The following BCL2 variants were observed in gnomAD, a reference collection of about 807,000 sequenced individuals.
BCL2 encodes the protein apoptosis regulator Bcl-2.
Under a neutral mutation model 14.2 loss-of-function variants are expected in BCL2, and 1 was observed. The ratio of observed to expected loss-of-function variants is 0.07; its 90% confidence interval spans 0.02 to 0.33. The LOEUF (loss-of-function observed/expected upper bound fraction) is 0.33, where lower values mean the gene tolerates loss of function less well. Among genes scored for constraint, BCL2 ranks in the 10% least tolerant of loss-of-function variants. The pLI is 0.99. For missense variants in BCL2, 247 were observed against 305.9 expected (o/e 0.81, Z 1.44); for synonymous variants, 151 against 137.2 (o/e 1.10, Z -0.70).
chr18:63,172,445 G>T (rs1915243897), intron 2 of BCL2, among the ~76,000 whole-genome samples: 1 of 152,150 alleles, frequency 6.6e-6, no homozygotes. Context: ...AGTCTTTGGG[G>T]ACTCAACAAT....
chr18:63,198,818 G>GAGAC (rs1909567773), intron 2 of BCL2, among the ~76,000 whole-genome samples: 1 of 109,368 alleles, frequency 9.1e-6, no homozygotes, highest in African/African-American at 3.8e-5. Context: ...GAGACACACA[G>GAGAC]ACACACAGAC....
Position 63,319,718 on chromosome 18 carries a change from C to T in BCL2, c.-831G>A, listed in dbSNP as rs751718993. ...TAAATGAAGGCAGGACGCGCCTGGCCCGCCGGTGCCGAGCGCTAGAAGCCC... is the reference window on the plus strand; with the variant it reads ...TAAATGAAGGCAGGACGCGCCTGGCTCGCCGGTGCCGAGCGCTAGAAGCCC... On this transcript the variant is annotated 5_prime_UTR_variant, in exon 1 of 3. Transcript: ENST00000333681. 5.7e-5 allele frequency: 12 copies of T among 212,074 alleles called. No individual in the cohort carries two copies. Among genetic ancestry groups the T allele is most frequent in the Non-Finnish European group, 1.1e-4 (11 of 104,634 alleles). The allele number at this position is 212,074 out of a possible 1,614,324, so 13.1% of individuals were successfully genotyped here. A position where few individuals can be genotyped will look rare whatever the true frequency, so the allele number is the denominator to read the frequency against.
intron 2 of BCL2, among the ~76,000 whole-genome samples, chr18:63,270,455 T>C (rs1911974207): frequency 6.6e-6 from 1 of 152,148 alleles, no homozygotes; most frequent in Admixed American, 6.5e-5. Flanking sequence ...ATTTAAAAGG[T>C]ATATGCAGAA....
intron 2 of BCL2, among the ~76,000 whole-genome samples, chr18:63,203,502 A>T (rs1292804210): frequency 6.6e-6 from 1 of 152,256 alleles, no homozygotes; most frequent in African/African-American, 2.4e-5. Context: ...CAAGTTGAGC[A>T]CATGTATATC....
intron 2 of BCL2, among the ~76,000 whole-genome samples, chr18:63,175,391 T>A (rs1313993667): frequency 6.6e-6 from 1 of 152,208 alleles, no homozygotes; most frequent in Non-Finnish European, 1.5e-5. Context: ...CATATATTAT[T>A]TCCAAAAGTC....
rs1390808296 is a variant in BCL2, at chr18:63,236,347, G to A, written c.585+81735C>T. Reference sequence around the variant, plus strand: ...TTGTTTTTAGGAGCCCCCTAAAGTAGGTAGGAGAGTGTTAATATGATCATT... The same window carrying A: ...TTGTTTTTAGGAGCCCCCTAAAGTAAGTAGGAGAGTGTTAATATGATCATT... On this transcript the variant is annotated intron_variant, in intron 2 of 2. Coordinates refer to ENST00000333681, the MANE Select transcript of BCL2 (RefSeq NM_000633.3). Among the ~76,000 whole-genome samples the A allele has an allele frequency of 2.6e-5, 4 of 152,340 alleles. No homozygotes were observed. In the South Asian group the frequency reaches 8.3e-4, roughly 32 times the overall value.
chr18:63,193,247 TAAC>T (rs768201791), intron 2 of BCL2, among the ~76,000 whole-genome samples: 2 of 152,180 alleles, frequency 1.3e-5, no homozygotes, highest in African/African-American at 2.4e-5. Context: ...AACATGAACT[TAAC>T]AACTACATTT....
intron 2 of BCL2, among the ~76,000 whole-genome samples, chr18:63,139,018 A>G (rs1467698761): frequency 6.6e-6 from 1 of 152,100 alleles, no homozygotes; most frequent in African/African-American, 2.4e-5. Context: ...CTTGGCCCCA[A>G]CCACCTGCTA....
chr18:63,297,857 T>C (rs1444679904), intron 2 of BCL2, among the ~76,000 whole-genome samples: 1 of 152,188 alleles, frequency 6.6e-6, no homozygotes, highest in Non-Finnish European at 1.5e-5. Flanking sequence ...CTCTGTGGAC[T>C]TGCCTGGCCT....
rs1436245296 is a variant in BCL2 at position 63,125,778 on chromosome 18, T to C, written c.*2847A>G. On this transcript the variant is annotated 3_prime_UTR_variant, in exon 3 of 3. Coordinates refer to ENST00000333681, the MANE Select transcript of BCL2 (RefSeq NM_000633.3). ...ATAAGGAAAATGCAACATCAACTAC[T>C]CTTAGAGCAAGTGCAGCCACAATAC... 1 of 218,344 alleles carries C rather than the reference T, an allele frequency of 4.6e-6. No individual in the cohort carries two copies. The highest frequency in any genetic ancestry group is 9.2e-6 in the Non-Finnish European group (1 of 108,604). 13.5% of individuals were successfully genotyped at this position (218,344 alleles called of 1,614,324 possible). A position where few individuals can be genotyped will look rare whatever the true frequency, so the allele number is the denominator to read the frequency against.
chr18:63,179,792 C>T (rs574366452), intron 2 of BCL2, among the ~76,000 whole-genome samples: 4 of 152,166 alleles, frequency 2.6e-5, no homozygotes, highest in Non-Finnish European at 5.9e-5. Context: ...GTACCTAACT[C>T]GCCGGTGAGA....
intron 2 of BCL2, among the ~76,000 whole-genome samples, chr18:63,260,508 G>A (rs188989513): frequency 2.0e-5 from 3 of 152,320 alleles, no homozygotes; most frequent in Admixed American, 2.0e-4. Flanking sequence ...CTGTCCATGA[G>A]CCAGGCACGC....
intron 2 of BCL2, among the ~76,000 whole-genome samples, chr18:63,166,527 T>G (rs1382804516): frequency 1.3e-5 from 2 of 152,218 alleles, no homozygotes; most frequent in East Asian, 1.9e-4. Flanking sequence ...CATGATCAGA[T>G]CATGGAAAAC....
intron 2 of BCL2, among the ~76,000 whole-genome samples, chr18:63,298,185 C>G (rs909734446): frequency 1.3e-5 from 2 of 152,176 alleles, no homozygotes; most frequent in African/African-American, 4.8e-5. Context: ...GAACTCCGAG[C>G]TGCAATCTGG....
chr18:63,298,552 C>T (rs1912865184), intron 2 of BCL2, among the ~76,000 whole-genome samples: 1 of 152,174 alleles, frequency 6.6e-6, no homozygotes, highest in Admixed American at 6.5e-5. Context: ...GCCCAACCTA[C>T]CCATGGCCAA....
chr18:63,196,465 C>T (rs1909447200), intron 2 of BCL2, among the ~76,000 whole-genome samples: 1 of 152,008 alleles, frequency 6.6e-6, no homozygotes, highest in East Asian at 1.9e-4. Context: ...GTTACTAAAA[C>T]CTTCTTCTCG....
intron 2 of BCL2, among the ~76,000 whole-genome samples, chr18:63,173,377 T>C (rs946401759): frequency 6.6e-6 from 1 of 152,218 alleles, no homozygotes; most frequent in Non-Finnish European, 1.5e-5. Context: ...ATTTTGGGGG[T>C]TGTTTAAACA....
chr18:63,232,703 G>A (rs1167041617), intron 2 of BCL2, among the ~76,000 whole-genome samples: 1 of 152,210 alleles, frequency 6.6e-6, no homozygotes, highest in Non-Finnish European at 1.5e-5. Flanking sequence ...AGCAAACTGA[G>A]AGCAATTTGG....
intron 2 of BCL2, among the ~76,000 whole-genome samples, chr18:63,292,134 A>T (rs1912667951): frequency 6.6e-6 from 1 of 151,880 alleles, no homozygotes; most frequent in African/African-American, 2.4e-5. Context: ...GTTTCTAACG[A>T]CACAGAAACC....
Sources: allele counts gnomAD v4.1 joint callset (sites outside exome capture counted in the v4.1 genomes callset), GRCh38; gene constraint gnomAD v4.1.1; transcripts MANE v1.5; gene names NCBI Gene and HGNC (gene_info 2026-07-23, HGNC 2026-07-21).